CELF2: variants seen among roughly 807,000 people sequenced by gnomAD.
The protein encoded by CELF2 is CUGBP Elav-like family member 2, also known as CUG triplet repeat RNA-binding protein 2.
A neutral mutation model predicts 62.6 loss-of-function variants in CELF2; 8 were observed. That is an observed-to-expected ratio of 0.13 (90% confidence interval 0.07 to 0.23). CELF2 has a LOEUF of 0.23. Among genes scored for constraint, CELF2 ranks in the 10% least tolerant of loss-of-function variants. The probability of loss-of-function intolerance (pLI) is 1.00; values close to 1 mark genes in which losing one functional copy is unlikely to be tolerated. For missense variants in CELF2, 333 were observed against 671.0 expected (o/e 0.50, Z 5.56); for synonymous variants, 258 against 250.0 (o/e 1.03, Z -0.30).
At chr10:10,759,287 CCCA>C in the CELF2 span, among the ~76,000 whole-genome samples, 1 of 146,504 alleles carries the variant, frequency 6.8e-6, no homozygotes, top group Non-Finnish European at 1.5e-5. Context: ...AAACTCAGTG[CCCA>C]TTTTTCTTTT....
intron 2 of CELF2, among the ~76,000 whole-genome samples, chr10:10,988,744 T>C (rs1378534494): frequency 1.3e-5 from 2 of 152,148 alleles, no homozygotes; most frequent in African/African-American, 4.8e-5. Context: ...AGAGGAACTT[T>C]TAAAATTTAA....
the CELF2 span, among the ~76,000 whole-genome samples, chr10:10,557,090 G>A: frequency 7.3e-3 from 1,049 of 143,624 alleles, 5 homozygotes; most frequent in African/African-American, 0.024. Flanking sequence ...TTGGTGTTTT[G>A]GACATGAAGT....
chr10:10,491,878 C>A, the CELF2 span, among the ~76,000 whole-genome samples: 2 of 152,216 alleles, frequency 1.3e-5, no homozygotes, highest in Admixed American at 1.3e-4. Context: ...CCCAAATGAT[C>A]GTCTTTTCAT....
chr10:10,847,428 T>G (rs1029978443), intron 1 of CELF2, among the ~76,000 whole-genome samples: 1 of 152,132 alleles, frequency 6.6e-6, no homozygotes, highest in Admixed American at 6.6e-5. Flanking sequence ...CAAATTTAAA[T>G]GTAAAGTCTG....
At chr10:10,812,592 C>T (rs1014115244) in intron 1 of CELF2, among the ~76,000 whole-genome samples, 1 of 152,154 alleles carries the variant, frequency 6.6e-6, no homozygotes, top group Admixed American at 6.5e-5. Flanking sequence ...ACTGTGTCCT[C>T]AGCAGTGCCT....
chr10:11,215,203 T>C (rs1468896876), intron 2 of CELF2, among the ~76,000 whole-genome samples: 5 of 152,224 alleles, frequency 3.3e-5, no homozygotes, highest in Admixed American at 3.3e-4. Flanking sequence ...CAGCGAGCCA[T>C]GGCAGGGATT....
chr10:11,015,087 C>T (rs891218110), upstream of CELF2, among the ~76,000 whole-genome samples: 4 of 152,136 alleles, frequency 2.6e-5, no homozygotes, highest in South Asian at 2.1e-4. This position sits in a 1 kb window ranked among gnomAD's most constrained non-coding sequence, Gnocchi z 4.8. Flanking sequence ...TGAACCCGAG[C>T]GTTCAACAGC....
intron 1 of CELF2, among the ~76,000 whole-genome samples, chr10:10,850,433 G>A (rs2059313676): frequency 6.6e-6 from 1 of 152,150 alleles, no homozygotes; most frequent in African/African-American, 2.4e-5. Flanking sequence ...CTTGAGTATT[G>A]CTCATTTCTG....
chr10:10,799,621 G>A (rs886831880), intron 1 of CELF2, among the ~76,000 whole-genome samples: 3 of 54,062 alleles, frequency 5.5e-5, no homozygotes, highest in Non-Finnish European at 1.0e-4. Flanking sequence ...CCAGGCCTCA[G>A]CTTATGGTGA....
Position 10,827,065 on chromosome 10 carries a change from G to A in CELF2, c.53+28248G>A, listed in dbSNP as rs1029888650. Among the ~76,000 whole-genome samples, 10 of 151,880 alleles carry A rather than the reference G, an allele frequency of 6.6e-5. No homozygotes were observed. The East Asian group carries it at 1.2e-3, about 18-fold the overall frequency. ...ATCAAGTAGGACTAAGTAATTCTGC[G>A]CCCTCCTGGAAATTTTATTGAGATC... On this transcript the variant is annotated intron_variant, in intron 1 of 13. Coordinates refer to the CELF2 transcript ENST00000636488.
At chr10:10,563,642 T>G in the CELF2 span, among the ~76,000 whole-genome samples, 4 of 146,806 alleles carry the variant, frequency 2.7e-5, no homozygotes, top group Admixed American at 2.0e-4. Flanking sequence ...AAGGGGAAGA[T>G]AGAGATTCTA....
chr10:10,782,165 A>G, the CELF2 span, among the ~76,000 whole-genome samples: 2 of 152,216 alleles, frequency 1.3e-5, no homozygotes, highest in African/African-American at 4.8e-5. Flanking sequence ...GGACAACTGT[A>G]TATAGGAAGA....
the CELF2 span, among the ~76,000 whole-genome samples, chr10:10,500,333 A>G: frequency 6.6e-6 from 1 of 152,144 alleles, no homozygotes; most frequent in Non-Finnish European, 1.5e-5. Context: ...AAACTATATG[A>G]TATGGTTTGG....
At chr10:10,487,303 G>T in the CELF2 span, among the ~76,000 whole-genome samples, 14 of 152,288 alleles carry the variant, frequency 9.2e-5, no homozygotes, top group African/African-American at 3.4e-4. Flanking sequence ...CCACGTCAGA[G>T]GTCAGAGCAG....
intron 2 of CELF2, among the ~76,000 whole-genome samples, chr10:11,187,126 A>G (rs930201481): frequency 3.3e-5 from 5 of 152,164 alleles, no homozygotes; most frequent in Admixed American, 2.6e-4. Context: ...TTGTTCTATC[A>G]GTTATTGAGA....
intron 5 of CELF2, among the ~76,000 whole-genome samples, chr10:11,261,141 G>A (rs2080416553): frequency 6.6e-6 from 1 of 152,190 alleles, no homozygotes; most frequent in South Asian, 2.1e-4. Flanking sequence ...TGAGGGAGAG[G>A]GTGCAGCTGA....
At chr10:10,866,850 G>A (rs564066992) in intron 1 of CELF2, among the ~76,000 whole-genome samples, 2 of 149,984 alleles carry the variant, frequency 1.3e-5, no homozygotes, top group Admixed American at 1.3e-4. Context: ...AACCCATGAG[G>A]CAGAGGTTGC....
At chr10:10,835,231 C>T (rs529147970) in intron 1 of CELF2, among the ~76,000 whole-genome samples, 2 of 152,190 alleles carry the variant, frequency 1.3e-5, no homozygotes, top group Non-Finnish European at 2.9e-5. Context: ...TAGCTCACTG[C>T]AGCCTCCGTG....
intron 1 of CELF2, among the ~76,000 whole-genome samples, chr10:11,067,504 G>A (rs766907762): frequency 4.6e-5 from 7 of 152,104 alleles, no homozygotes; most frequent in Non-Finnish European, 8.8e-5. Flanking sequence ...CCTGTGTGGC[G>A]TATATTCTAC....
Sources: gnomAD v4.1 joint callset for allele counts (sites outside exome capture counted in the v4.1 genomes callset) on GRCh38, gnomAD v4.1.1 for gene constraint, Gnocchi (gnomAD v3.1) non-coding constraint, MANE v1.5 for transcripts, NCBI Gene and HGNC (gene_info 2026-07-23, HGNC 2026-07-21) for gene names.